ALG9: variants seen among roughly 807,000 people sequenced by gnomAD.
ALG9 encodes the protein alpha-1,2-mannosyltransferase ALG9.
A neutral mutation model predicts 81.8 loss-of-function variants in ALG9; 55 were observed. That is an observed-to-expected ratio of 0.67 (90% confidence interval 0.54 to 0.84). The LOEUF is 0.84. Among genes scored for constraint, ALG9 ranks in the 40% least tolerant of loss-of-function variants. The pLI is 0.00. For missense variants in ALG9, 629 were observed against 745.0 expected (o/e 0.84, Z 1.81); for synonymous variants, 278 against 274.3 (o/e 1.01, Z -0.13).
At chr11:111,869,874 T>C (rs757934203) in intron 2 of ALG9, among the ~76,000 whole-genome samples, 12 of 151,164 alleles carry the variant, frequency 7.9e-5, no homozygotes, top group Non-Finnish European at 1.6e-4. Flanking sequence ...TGCAATGGTG[T>C]GATCTCGGCT....
intron 13 of ALG9, among the ~76,000 whole-genome samples, chr11:111,833,157 A>G (rs1309588194): frequency 1.3e-5 from 2 of 152,186 alleles, no homozygotes; most frequent in African/African-American, 4.8e-5. Flanking sequence ...GGTTTCATCC[A>G]TTGACTAGGT....
intron 14 of ALG9, among the ~76,000 whole-genome samples, chr11:111,802,537 A>G (rs148143177): frequency 6.6e-6 from 1 of 152,244 alleles, no homozygotes; most frequent in African/African-American, 2.4e-5. Context: ...GGAATGAGGT[A>G]TCTTACTGCA....
At chr11:111,824,262 C>T (rs1358907320) in intron 13 of ALG9, among the ~76,000 whole-genome samples, 1 of 152,070 alleles carries the variant, frequency 6.6e-6, no homozygotes, top group Non-Finnish European at 1.5e-5. Context: ...CTATCACTGC[C>T]ACCATTAAGA....
At chr11:111,866,344 T>C (rs1270232218) in intron 3 of ALG9, among the ~76,000 whole-genome samples, 4 of 151,986 alleles carry the variant, frequency 2.6e-5, no homozygotes, top group Admixed American at 1.3e-4. Flanking sequence ...CACTCCTGAG[T>C]GTACACTTCA....
At chr11:111,850,421 T>A (rs1957580880) in intron 8 of ALG9, among the ~76,000 whole-genome samples, 1 of 151,952 alleles carries the variant, frequency 6.6e-6, no homozygotes, top group Non-Finnish European at 1.5e-5. Context: ...AGAATGGAAA[T>A]CAGGCCAGGC....
chr11:111,870,446 G>C (rs1363565269), intron 1 of ALG9, 76 bp from the exon 2 acceptor site: 1 of 1,459,054 alleles, frequency 6.9e-7, no homozygotes, highest in African/African-American at 1.5e-5. Context: ...CCTAAATCTA[G>C]ATAGAAAGGA....
intron 13 of ALG9, chr11:111,828,758 G>C (rs1043250822): frequency 2.0e-5 from 3 of 152,172 alleles, no homozygotes; most frequent in Non-Finnish European, 2.9e-5. Flanking sequence ...AGATTTCACA[G>C]TGACAGCCCC....
intron 4 of ALG9, among the ~76,000 whole-genome samples, chr11:111,862,311 G>A (rs539703541): frequency 6.7e-6 from 1 of 148,362 alleles, no homozygotes; most frequent in South Asian, 2.1e-4. Context: ...TTGGCTCACT[G>A]CAATTTCCGT....
chr11:111,790,540 CA>C (rs1159889662), intron 14 of ALG9, among the ~76,000 whole-genome samples: 3 of 151,998 alleles, frequency 2.0e-5, no homozygotes, highest in African/African-American at 7.3e-5. Flanking sequence ...TTGTTGAGTT[CA>C]AAAGGCAAGC....
chr11:111,823,605 AATTTTGTGGGCTTAC>A (rs2136621172), intron 13 of ALG9, among the ~76,000 whole-genome samples: 1 of 152,304 alleles, frequency 6.6e-6, no homozygotes, highest in South Asian at 2.1e-4. Flanking sequence ...AGGTTACAGA[AATTTTGTGGGCTTAC>A]ATGCCTGAAA....
chr11:111,856,748 A>C (rs781865292), intron 6 of ALG9, among the ~76,000 whole-genome samples: 5 of 152,120 alleles, frequency 3.3e-5, no homozygotes, highest in Non-Finnish European at 5.9e-5. Context: ...ACACTAGAAC[A>C]GAAGTAGTGG....
intron 13 of ALG9, among the ~76,000 whole-genome samples, chr11:111,818,254 G>A (rs1050346229): frequency 6.6e-6 from 1 of 152,192 alleles, no homozygotes; most frequent in African/African-American, 2.4e-5. Flanking sequence ...CACTTAACGA[G>A]GGAGACAGGT....
chr11:111,864,597 A>G, intron 4 of ALG9: 2 of 513,026 alleles, frequency 3.9e-6, no homozygotes. Flanking sequence ...TAGTTTCATC[A>G]GTCTTTAACA....
At chr11:111,781,897 C>T (rs1362537416), downstream of ALG9, among the ~76,000 whole-genome samples, 5 of 152,228 alleles carry the variant, frequency 3.3e-5, no homozygotes, top group Non-Finnish European at 7.3e-5. Context: ...CCACCCGTCT[C>T]GGCATCCCAC....
At chr11:111,846,753 G>T (rs1957005528) in intron 8 of ALG9, among the ~76,000 whole-genome samples, 1 of 152,172 alleles carries the variant, frequency 6.6e-6, no homozygotes, top group Non-Finnish European at 1.5e-5. Flanking sequence ...GTCCTCCCCT[G>T]CTTGATGACA....
intron 14 of ALG9, among the ~76,000 whole-genome samples, chr11:111,806,876 C>A (rs1950004679): frequency 6.6e-6 from 1 of 152,124 alleles, no homozygotes; most frequent in Non-Finnish European, 1.5e-5. Context: ...TACTTGCAGT[C>A]TCTCCCATCT....
chr11:111,819,063 T>C (rs1346725055), intron 13 of ALG9, among the ~76,000 whole-genome samples: 12 of 152,204 alleles, frequency 7.9e-5, no homozygotes, highest in Non-Finnish European at 1.5e-5. Context: ...AGATTTCAAA[T>C]GCTACAGAAA....
chr11:111,798,169 C>T (rs1555077155), intron 14 of ALG9: 1 of 291,500 alleles, frequency 3.4e-6, no homozygotes, highest in Admixed American at 4.6e-5. Context: ...TGTCACTGCA[C>T]TCTAGCCTGG....
chr11:111,802,766 T>A (rs954586235), intron 14 of ALG9, among the ~76,000 whole-genome samples: 1 of 152,226 alleles, frequency 6.6e-6, no homozygotes. Context: ...AGCAACTACA[T>A]GGCCCCGTTT....
Sources: gnomAD v4.1 joint callset for allele counts (sites outside exome capture counted in the v4.1 genomes callset) on GRCh38, gnomAD v4.1.1 for gene constraint, MANE v1.5 for transcripts, NCBI Gene and HGNC (gene_info 2026-07-23, HGNC 2026-07-21) for gene names.